GTF2I: variants seen among roughly 807,000 people sequenced by gnomAD.
GTF2I encodes the protein general transcription factor II-I.
A neutral mutation model predicts 67.6 loss-of-function variants in GTF2I; 12 were observed. That is an observed-to-expected ratio of 0.18 (90% CI 0.11 to 0.29). The LOEUF (loss-of-function observed/expected upper bound fraction) is 0.29, where lower values mean the gene tolerates loss of function less well. Among genes scored for constraint, GTF2I ranks in the 10% least tolerant of loss-of-function variants. GTF2I has a pLI of 1.00. For missense variants in GTF2I, 271 were observed against 580.1 expected, an observed-to-expected ratio of 0.47 and a Z score of 5.47; for synonymous variants, 149 against 197.0, an observed-to-expected ratio of 0.76 and a Z score of 2.04.
At chr7:74,690,244 T>G (rs587606860) in intron 2 of GTF2I, among the ~76,000 whole-genome samples, 16 of 151,952 alleles carry the variant, frequency 1.1e-4, no homozygotes, top group Non-Finnish European at 2.4e-4. Flanking sequence ...TGCCCATAAA[T>G]ATTTTGTTCC....
rs587719405 is a variant in GTF2I, at chr7:74,683,526, A to G, written c.-5-5598A>G. ...AATACGTGGTTACATCTAAAGGAAA[A>G]TTAAATTAAGCAAAAATAGTGTTGC... On this transcript the variant is annotated intron_variant, in intron 1 of 34. Coordinates refer to ENST00000573035, the MANE Select transcript of GTF2I (RefSeq NM_032999.4). 1.6e-4 allele frequency among the ~76,000 whole-genome samples: 25 copies of G among 152,326 alleles called. No homozygotes were observed. The South Asian group carries it at 5.2e-3, about 32-fold the overall frequency.
chr7:74,677,365 AT>A (rs1805988180), intron 1 of GTF2I, among the ~76,000 whole-genome samples: 1 of 152,012 alleles, frequency 6.6e-6, no homozygotes, highest in Non-Finnish European at 1.5e-5. Context: ...GATGTCACTA[AT>A]TTTTCCCTTG....
chr7:74,695,424 A>G (rs748479376), intron 3 of GTF2I, among the ~76,000 whole-genome samples: 13 of 152,338 alleles, frequency 8.5e-5, no homozygotes, highest in Non-Finnish European at 1.6e-4. Flanking sequence ...AAACCAAAAC[A>G]TCTGTGTGAC....
intron 1 of GTF2I, among the ~76,000 whole-genome samples, chr7:74,674,972 T>C (rs1233267791): frequency 6.6e-6 from 1 of 151,740 alleles, no homozygotes; most frequent in African/African-American, 2.4e-5. Context: ...CCTGCCTCAG[T>C]CTCCCAAGTA....
At chr7:74,690,318 G>A (rs1554396657) in intron 2 of GTF2I, among the ~76,000 whole-genome samples, 1 of 152,076 alleles carries the variant, frequency 6.6e-6, no homozygotes, top group Non-Finnish European at 1.5e-5. Flanking sequence ...TTTAAATAAT[G>A]TTATCAGTAA....
chr7:74,675,686 A>G (rs1554392168), intron 1 of GTF2I, among the ~76,000 whole-genome samples: 1 of 152,050 alleles, frequency 6.6e-6, no homozygotes, highest in Non-Finnish European at 1.5e-5. Flanking sequence ...TTAAAATCGG[A>G]TTAAATTTTA....
At chr7:74,698,441 C>G (rs1789261005) in intron 3 of GTF2I, among the ~76,000 whole-genome samples, 1 of 126,842 alleles carries the variant, frequency 7.9e-6, no homozygotes, top group Non-Finnish European at 1.6e-5. Context: ...AGTCTCTATC[C>G]ATCACCCAGG....
intron 3 of GTF2I, among the ~76,000 whole-genome samples, chr7:74,694,841 G>C (rs1318716456): frequency 6.6e-6 from 1 of 152,196 alleles, no homozygotes; most frequent in Non-Finnish European, 1.5e-5. Context: ...AATTCCTTGT[G>C]AGGGGTTAAC....
At position 74,726,248 on chromosome 7, in the gene GTF2I, A is replaced by G. The variant is rs2299950; in HGVS notation, c.944-2538A>G. Among the ~76,000 whole-genome samples the G allele has an allele frequency of 6.0e-4, 92 of 152,336 alleles. No homozygotes were observed. In the East Asian group the frequency reaches 0.017, roughly 28 times the overall value. On this transcript the variant is annotated intron_variant, in intron 12 of 34. Coordinates refer to ENST00000573035, the MANE Select transcript of GTF2I (RefSeq NM_032999.4). ...AAAAAAATATATAGTAATATTAAGC[A>G]TTTATAATGCTTTGACAGTATTCAT... is the stretch of plus-strand genomic sequence containing the variant.
At chr7:74,667,834 A>T (rs2131202121) in intron 1 of GTF2I, among the ~76,000 whole-genome samples, 1 of 150,378 alleles carries the variant, frequency 6.6e-6, no homozygotes, top group East Asian at 1.9e-4. Context: ...TACCAAAAGA[A>T]ACTTTTTTTT....
At chr7:74,690,656 A>G (rs587620631) in intron 2 of GTF2I, among the ~76,000 whole-genome samples, 2 of 152,266 alleles carry the variant, frequency 1.3e-5, no homozygotes, top group East Asian at 1.9e-4. Context: ...GTGCAGCTAC[A>G]TCAGTGTTCA....
chr7:74,664,018 G>A (rs1434928054), intron 1 of GTF2I, among the ~76,000 whole-genome samples: 2 of 151,682 alleles, frequency 1.3e-5, no homozygotes, highest in Non-Finnish European at 2.9e-5. Context: ...TAGTAGAGAC[G>A]GGGTTTCACC....
chr7:74,694,414 C>G (rs1247661200), intron 3 of GTF2I, among the ~76,000 whole-genome samples: 1 of 152,176 alleles, frequency 6.6e-6, no homozygotes, highest in Admixed American at 6.5e-5. Context: ...TGGTGAAACC[C>G]CGTCTCTTCT....
At chr7:74,658,283 C>CAA (rs1554384624) in intron 1 of GTF2I, among the ~76,000 whole-genome samples, 1 of 150,090 alleles carries the variant, frequency 6.7e-6, no homozygotes, top group Non-Finnish European at 1.5e-5. Flanking sequence ...CGAGCCCCGC[C>CAA]GGCCTTGGCA....
At chr7:74,671,274 A>G (rs1160108307) in intron 1 of GTF2I, among the ~76,000 whole-genome samples, 1 of 151,610 alleles carries the variant, frequency 6.6e-6, no homozygotes, top group African/African-American at 2.4e-5. Context: ...TTTGGTAGAG[A>G]CAGAATTTCA....
intron 1 of GTF2I, among the ~76,000 whole-genome samples, chr7:74,687,801 A>G (rs971311983): frequency 7.9e-5 from 12 of 152,204 alleles, no homozygotes; most frequent in Admixed American, 7.9e-4. Context: ...TTGTCAGTAA[A>G]TTAATTTGTT....
At chr7:74,710,989 A>G (rs782026711) in intron 8 of GTF2I, 43 bp from the exon 9 acceptor site, 19 of 954,990 alleles carry the variant, frequency 2.0e-5, no homozygotes, top group Non-Finnish European at 3.1e-5. Flanking sequence ...AATCTAGCTG[A>G]AAGTTCTCAC....
chr7:74,708,391 G>A (rs1326304393), intron 8 of GTF2I, among the ~76,000 whole-genome samples: 1 of 151,844 alleles, frequency 6.6e-6, no homozygotes, highest in Non-Finnish European at 1.5e-5. Flanking sequence ...TTTTTTTTAA[G>A]GAACAATTCT....
chr7:74,702,352 T>C (rs1358411475), intron 6 of GTF2I, among the ~76,000 whole-genome samples: 6 of 152,106 alleles, frequency 3.9e-5, no homozygotes, highest in Admixed American at 3.3e-4. Context: ...CTCAGCCTCC[T>C]GAGTAGCTGG....
Sources: allele counts gnomAD v4.1 joint callset (sites outside exome capture counted in the v4.1 genomes callset), GRCh38; gene constraint gnomAD v4.1.1; transcripts MANE v1.5; gene names NCBI Gene and HGNC (gene_info 2026-07-23, HGNC 2026-07-21).